The following ABTB3 variants were observed in gnomAD, a reference collection of about 807,000 sequenced individuals.
ABTB3 encodes ankyrin repeat and BTB domain containing 3.
chr12:107,592,835 C>T, the ABTB3 span, among the ~76,000 whole-genome samples: 127,070 of 152,196 alleles, frequency 0.83, 53,701 homozygotes, highest in African/African-American at 0.96. Context: ...TGTTTGTAAG[C>T]CTTTATTATT....
chr12:107,630,060 G>C, the ABTB3 span, among the ~76,000 whole-genome samples: 2 of 152,146 alleles, frequency 1.3e-5, no homozygotes, highest in African/African-American at 4.8e-5. Flanking sequence ...GGAGCACTGG[G>C]AAGGGCACAG....
At chr12:107,576,767 CTT>C in the ABTB3 span, among the ~76,000 whole-genome samples, 1 of 152,200 alleles carries the variant, frequency 6.6e-6, no homozygotes, top group South Asian at 2.1e-4. Context: ...ACTCCGCACT[CTT>C]TACCACGTCT....
chr12:107,482,917 T>TTTCTTTCTCTTTCTTTCTTTCTTTCC, the ABTB3 span, among the ~76,000 whole-genome samples: 1 of 43,606 alleles, frequency 2.3e-5, no homozygotes, highest in African/African-American at 1.4e-4. Context: ...TTTCTTCTTC[T>TTTCTTTCTCTTTCTTTCTTTCTTTCC]TTCTTTCTTT....
chr12:107,363,540 A>G, the ABTB3 span, among the ~76,000 whole-genome samples: 2 of 152,244 alleles, frequency 1.3e-5, no homozygotes, highest in African/African-American at 4.8e-5. Flanking sequence ...TAGGGTGTAA[A>G]CTAAGAAACT....
At chr12:107,528,338 G>A in the ABTB3 span, among the ~76,000 whole-genome samples, 2 of 152,080 alleles carry the variant, frequency 1.3e-5, no homozygotes, top group Admixed American at 6.6e-5. Context: ...TCCATTTATG[G>A]CACTGATATG....
At chr12:107,642,143 T>C in the ABTB3 span, 7 of 1,613,894 alleles carry the variant, frequency 4.3e-6, no homozygotes, top group East Asian at 2.2e-5. Flanking sequence ...TGCATAGAGA[T>C]TGGTTATGTG....
the ABTB3 span, among the ~76,000 whole-genome samples, chr12:107,607,874 C>G: frequency 6.6e-5 from 10 of 152,178 alleles, no homozygotes; most frequent in African/African-American, 1.9e-4. Flanking sequence ...CTTCTTGGGG[C>G]TCTTGTGGTC....
At chr12:107,459,541 T>TGG in the ABTB3 span, among the ~76,000 whole-genome samples, 1 of 152,172 alleles carries the variant, frequency 6.6e-6, no homozygotes, top group Non-Finnish European at 1.5e-5. Context: ...AGAAGGCTGA[T>TGG]CAGAGATGGC....
the ABTB3 span, among the ~76,000 whole-genome samples, chr12:107,614,866 C>T: frequency 6.6e-6 from 1 of 152,158 alleles, no homozygotes; most frequent in Non-Finnish European, 1.5e-5. Context: ...GACAGATCCA[C>T]GGCTTTGGTG....
At chr12:107,625,496 G>A in the ABTB3 span, among the ~76,000 whole-genome samples, 1 of 152,148 alleles carries the variant, frequency 6.6e-6, no homozygotes. Flanking sequence ...ATTACTGTCA[G>A]GTGTATGTAG....
the ABTB3 span, among the ~76,000 whole-genome samples, chr12:107,623,375 T>C: frequency 5.0e-5 from 7 of 140,704 alleles, no homozygotes; most frequent in African/African-American, 1.9e-4. Context: ...TTTTTTTTTT[T>C]TTTTTTTTTG....
At chr12:107,322,517 G>A in the ABTB3 span, among the ~76,000 whole-genome samples, 14 of 152,110 alleles carry the variant, frequency 9.2e-5, no homozygotes, top group African/African-American at 3.1e-4. Context: ...CCTTATTAAG[G>A]ACAACATACC....
chr12:107,632,341 G>A, the ABTB3 span, among the ~76,000 whole-genome samples: 5 of 152,330 alleles, frequency 3.3e-5, no homozygotes, highest in African/African-American at 1.2e-4. Context: ...TGATTAGAAG[G>A]AAGCTGATTC....
chr12:107,604,876 G>A, the ABTB3 span, among the ~76,000 whole-genome samples: 1 of 152,140 alleles, frequency 6.6e-6, no homozygotes, highest in Non-Finnish European at 1.5e-5. Context: ...CCTATCAACA[G>A]ATGAATGGAT....
the ABTB3 span, among the ~76,000 whole-genome samples, chr12:107,368,901 G>A: frequency 6.6e-6 from 1 of 152,070 alleles, no homozygotes; most frequent in African/African-American, 2.4e-5. Flanking sequence ...TCTGTGACCT[G>A]CCTATTCATA....
At chr12:107,374,544 C>T in the ABTB3 span, among the ~76,000 whole-genome samples, 4 of 152,290 alleles carry the variant, frequency 2.6e-5, no homozygotes, top group Admixed American at 2.6e-4. Context: ...AAAGTGAGCT[C>T]CGTGGCCCCA....
At chr12:107,403,255 G>A in the ABTB3 span, among the ~76,000 whole-genome samples, 73 of 152,248 alleles carry the variant, frequency 4.8e-4, no homozygotes, top group African/African-American at 1.5e-3. Flanking sequence ...TGTTCATATC[G>A]CCCATGGCCC....
At chr12:107,581,123 G>GCGTCTC in the ABTB3 span, 1 of 1,546,342 alleles carries the variant, frequency 6.5e-7, no homozygotes, top group Non-Finnish European at 8.7e-7. Flanking sequence ...GCCCTAACGC[G>GCGTCTC]CGTCTCCGGG....
At chr12:107,376,310 C>A in the ABTB3 span, among the ~76,000 whole-genome samples, 2 of 152,186 alleles carry the variant, frequency 1.3e-5, no homozygotes, top group Non-Finnish European at 2.9e-5. Context: ...CACTGCGTCT[C>A]TGGTCCCCAG....
Sources: gnomAD v4.1 joint callset for allele counts (sites outside exome capture counted in the v4.1 genomes callset) on GRCh38, gnomAD v4.1.1 for gene constraint, MANE v1.5 for transcripts, NCBI Gene and HGNC (gene_info 2026-07-23, HGNC 2026-07-21) for gene names.